Variants in ARID1B observed in about 807,000 individuals in gnomAD.
ARID1B encodes AT-rich interactive domain-containing protein 1B.
In ARID1B, 30 loss-of-function variants were observed where a neutral mutation model predicts 212.3. That is an observed-to-expected ratio of 0.14 (90% confidence interval 0.11 to 0.19). The LOEUF (loss-of-function observed/expected upper bound fraction) is 0.19, where lower values mean the gene tolerates loss of function less well. Among genes scored for constraint, ARID1B ranks in the 10% least tolerant of loss-of-function variants. The pLI is 1.00. For missense variants in ARID1B, 2,891 were observed against 3,204.0 expected (o/e 0.90, Z 2.36); for synonymous variants, 1,402 against 1,301.7 (o/e 1.08, Z -1.66).
chr6:157,089,618 A>G (rs534430667), intron 5 of ARID1B, among the ~76,000 whole-genome samples: 2 of 152,284 alleles, frequency 1.3e-5, no homozygotes, highest in Admixed American at 6.5e-5. Flanking sequence ...ACTCTAAACA[A>G]GCATTTGAGA....
intron 4 of ARID1B, among the ~76,000 whole-genome samples, chr6:156,992,987 G>A (rs1364749209): frequency 1.3e-5 from 2 of 151,642 alleles, no homozygotes; most frequent in Non-Finnish European, 2.9e-5. Flanking sequence ...CCTTCTGTAG[G>A]GAGCTGAATG....
chr6:157,008,461 C>T (rs1009035305), intron 4 of ARID1B, among the ~76,000 whole-genome samples: 1 of 152,186 alleles, frequency 6.6e-6, no homozygotes, highest in Non-Finnish European at 1.5e-5. Flanking sequence ...TCCAAAGTTA[C>T]TGTTATCTTC....
chr6:156,945,178 G>A (rs189573624), intron 4 of ARID1B, among the ~76,000 whole-genome samples: 72 of 125,450 alleles, frequency 5.7e-4, no homozygotes, highest in African/African-American at 1.5e-3. Context: ...CTTGTGATCC[G>A]CCCGCCTCTG....
rs1562494846 is a variant in ARID1B, at chr6:156,934,948, AT to A, written c.2137-517del. ...TATATATATATATATATATATATAT[AT>A]ATATATATATATAGTTTATATTTCT... On this transcript the variant is annotated intron_variant, in intron 3 of 19. Coordinates refer to ENST00000636930, the MANE Select transcript of ARID1B (RefSeq NM_001374828.1). Among the ~76,000 whole-genome samples, 659 of 91,400 alleles carry A rather than the reference AT, an allele frequency of 7.2e-3. 37 individuals carry two copies. The highest frequency in any genetic ancestry group is 0.07 in the East Asian group (266 of 3,808). The allele number at this position is 91,400 out of a possible 152,430, so 60.0% of individuals were successfully genotyped here.
chr6:156,985,649 T>C (rs967971879), intron 4 of ARID1B: 9 of 152,268 alleles, frequency 5.9e-5, no homozygotes, highest in Non-Finnish European at 1.0e-4. Flanking sequence ...AAACAACTAC[T>C]GTGTCTTGAA....
intron 2 of ARID1B, among the ~76,000 whole-genome samples, chr6:156,853,933 A>C (rs963183484): frequency 6.6e-6 from 1 of 151,926 alleles, no homozygotes; most frequent in Non-Finnish European, 1.5e-5. Context: ...GGGTCTCACT[A>C]TGTTGCCCAG....
At chr6:156,898,846 C>T (rs1175836662) in intron 2 of ARID1B, among the ~76,000 whole-genome samples, 1 of 152,046 alleles carries the variant, frequency 6.6e-6, no homozygotes, top group Non-Finnish European at 1.5e-5. Context: ...TGGCTCATGA[C>T]TGTAATCCCA....
intron 2 of ARID1B, among the ~76,000 whole-genome samples, chr6:156,872,983 C>A (rs1786267650): frequency 6.6e-6 from 1 of 152,216 alleles, no homozygotes; most frequent in Non-Finnish European, 1.5e-5. Flanking sequence ...GACCCCTCTA[C>A]TCTTCCTTCC....
At position 156,779,044 on chromosome 6, in the gene ARID1B, G is replaced by A; in HGVS notation, c.1364G>A (p.Arg455Gln). 1 of 1,226,168 alleles carries A rather than the reference G, an allele frequency of 8.2e-7. No homozygotes were observed. The highest frequency in any genetic ancestry group is 1.0e-6 in the Non-Finnish European group (1 of 987,856). The allele number at this position is 1,226,168 out of a possible 1,614,324, so 76.0% of individuals were successfully genotyped here. ...GGGTACGGGGTGCTGAGCTCCCCCC[G>A]GCAGCAGGGCGGCGGCATGATGATG... Reference protein sequence around the residue: ...SAGYGVLSSPRQQGGGMMMGP... With the variant: ...SAGYGVLSSPQQQGGGMMMGP... The change falls in exon 1 of 20, where the codon CGG becomes CAG. Residue 455 changes from arginine (R) to glutamine (Q), a missense_variant. By Grantham distance (43) the Arg-to-Gln change is conservative. Coordinates refer to ENST00000636930, the MANE Select transcript of ARID1B (RefSeq NM_001374828.1).
At chr6:156,793,236 G>A (rs1335919184) in intron 1 of ARID1B, among the ~76,000 whole-genome samples, 1 of 152,194 alleles carries the variant, frequency 6.6e-6, no homozygotes, top group Non-Finnish European at 1.5e-5. Flanking sequence ...GGATGGCCAA[G>A]TGGAGAGTGG....
chr6:157,010,286 T>G (rs928162181), intron 4 of ARID1B, among the ~76,000 whole-genome samples: 23 of 132,560 alleles, frequency 1.7e-4, no homozygotes, highest in African/African-American at 6.0e-4. Context: ...CTGTTTTTTT[T>G]TTTTTTTTTT....
At chr6:156,911,733 G>A (rs1384251217) in intron 3 of ARID1B, among the ~76,000 whole-genome samples, 1 of 152,180 alleles carries the variant, frequency 6.6e-6, no homozygotes, top group Non-Finnish European at 1.5e-5. Context: ...CCATTAGAAG[G>A]CTTGTGAGAG....
chr6:157,044,926 C>G (rs987425644), intron 4 of ARID1B, among the ~76,000 whole-genome samples: 10 of 152,168 alleles, frequency 6.6e-5, no homozygotes, highest in African/African-American at 2.2e-4. Context: ...ATACAGGTTC[C>G]AAGTATGTAG....
At chr6:157,174,800 T>C in intron 10 of ARID1B, 47 bp from the exon 11 acceptor site, 20 of 1,417,214 alleles carry the variant, frequency 1.4e-5, no homozygotes, top group Non-Finnish European at 1.8e-5. Context: ...TTAAATAAAG[T>C]TTGCCCTACC....
intron 6 of ARID1B, among the ~76,000 whole-genome samples, chr6:157,129,178 A>ATATT (rs1363456807): frequency 6.6e-6 from 1 of 152,224 alleles, no homozygotes; most frequent in African/African-American, 2.4e-5. Flanking sequence ...ACACTTTGAC[A>ATATT]TATTATCTCA....
Position 157,200,526 on chromosome 6 carries a change from A to G in ARID1B, c.4480-179A>G, listed in dbSNP as rs1378321345. 1.3e-5 allele frequency among the ~76,000 whole-genome samples: 2 copies of G among 152,096 alleles called. No homozygotes were observed. Among genetic ancestry groups the G allele is most frequent in the Admixed American group, 1.3e-4 (2 of 15,276 alleles). On this transcript the variant is annotated intron_variant, in intron 17 of 19. Coordinates refer to ENST00000636930, the MANE Select transcript of ARID1B (RefSeq NM_001374828.1). The surrounding 1 kb of genome is among the most constrained non-coding windows in gnomAD (Gnocchi z 4.3). The stretch of plus-strand genomic sequence containing the variant: ...GGATGCTCTCTCCTCAGTGTGTGAC[A>G]TGGTGTATATAATACTGAAATATTG...
chr6:157,008,103 T>A (rs986803436), intron 4 of ARID1B, among the ~76,000 whole-genome samples: 1 of 152,128 alleles, frequency 6.6e-6, no homozygotes, highest in Non-Finnish European at 1.5e-5. Flanking sequence ...TTTCTTACTT[T>A]CCCTCTCTTC....
At chr6:157,153,229 G>A (rs1024006069) in intron 8 of ARID1B, among the ~76,000 whole-genome samples, 6 of 151,970 alleles carry the variant, frequency 3.9e-5, no homozygotes, top group African/African-American at 1.5e-4. Context: ...CACCTTTTGA[G>A]TAAATTCCTC....
At chr6:157,082,792 T>C (rs947453992) in intron 4 of ARID1B, among the ~76,000 whole-genome samples, 2 of 152,222 alleles carry the variant, frequency 1.3e-5, no homozygotes, top group East Asian at 1.9e-4. Flanking sequence ...TTGTTTCCCA[T>C]AAGCACAGTC....
Sources: gnomAD v4.1 joint callset for allele counts (sites outside exome capture counted in the v4.1 genomes callset) on GRCh38, gnomAD v4.1.1 for gene constraint, Gnocchi (gnomAD v3.1) non-coding constraint, MANE v1.5 for transcripts, NCBI Gene and HGNC (gene_info 2026-07-23, HGNC 2026-07-21) for gene names.